SH3PXD2A: variants seen among roughly 807,000 people sequenced by gnomAD.
SH3PXD2A encodes SH3 and PX domain-containing protein 2A.
Under a neutral mutation model 115.2 loss-of-function variants are expected in SH3PXD2A, and 32 were observed. The observed-to-expected ratio is 0.28, with a 90% CI of 0.21 to 0.37. SH3PXD2A has a LOEUF of 0.37. SH3PXD2A is among the 10% of genes least tolerant of loss of function. The pLI is 1.00. For missense variants in SH3PXD2A, 1,328 were observed against 1,498.7 expected (o/e 0.89, Z 1.88); for synonymous variants, 610 against 629.1 (o/e 0.97, Z 0.45).
At chr10:103,801,424 T>A in intron 1 of SH3PXD2A, 62 bp from the exon 2 acceptor site, 1 of 1,001,986 alleles carries the variant, frequency 1.0e-6, no homozygotes, top group South Asian at 1.3e-5. Context: ...GTGCCAGGCA[T>A]CATGTAACAT....
At chr10:103,836,007 G>A (rs920904488) in intron 1 of SH3PXD2A, among the ~76,000 whole-genome samples, 6 of 152,146 alleles carry the variant, frequency 3.9e-5, no homozygotes, top group Admixed American at 3.3e-4. Context: ...CCAGTACCGC[G>A]TCTTCCTAGT....
At chr10:103,815,606 C>G (rs1044703808) in intron 1 of SH3PXD2A, among the ~76,000 whole-genome samples, 1 of 151,784 alleles carries the variant, frequency 6.6e-6, no homozygotes, top group African/African-American at 2.4e-5. Context: ...AAGAAAAATA[C>G]TGGGCCAGGT....
At chr10:103,662,348 G>T (rs1213051512) in intron 7 of SH3PXD2A, among the ~76,000 whole-genome samples, 6 of 95,316 alleles carry the variant, frequency 6.3e-5, no homozygotes, top group Non-Finnish European at 4.1e-5. Flanking sequence ...TGGCGGGGGG[G>T]GGGGCGGGGG....
chr10:103,811,246 C>T (rs1457998405), intron 1 of SH3PXD2A, among the ~76,000 whole-genome samples: 1 of 152,230 alleles, frequency 6.6e-6, no homozygotes, highest in Non-Finnish European at 1.5e-5. Flanking sequence ...GCAGTCACAG[C>T]TCTGTCCTTA....
intron 9 of SH3PXD2A, among the ~76,000 whole-genome samples, chr10:103,626,793 A>G (rs1162318256): frequency 1.3e-5 from 2 of 151,474 alleles, no homozygotes; most frequent in Non-Finnish European, 2.9e-5. Flanking sequence ...AAAAAATAAG[A>G]AAAAGGGGGG....
At chr10:103,647,059 G>A (rs182293533) in intron 8 of SH3PXD2A, among the ~76,000 whole-genome samples, 8 of 151,696 alleles carry the variant, frequency 5.3e-5, no homozygotes, top group Non-Finnish European at 7.4e-5. Flanking sequence ...AGTCAGGGGT[G>A]GGGGGATGGA....
chr10:103,733,798 A>G (rs1204103742), intron 4 of SH3PXD2A, among the ~76,000 whole-genome samples: 5 of 152,080 alleles, frequency 3.3e-5, no homozygotes, highest in African/African-American at 1.2e-4. Flanking sequence ...TAGGGACAGG[A>G]TCGTTCCCTG....
chr10:103,724,292 C>A lies in SH3PXD2A; in HGVS notation c.376G>T (p.Glu126Ter). The A allele has an allele frequency of 6.3e-7, 1 of 1,577,110 alleles. No homozygotes were observed. Among genetic ancestry groups the A allele is most frequent in the East Asian group, 2.5e-5 (1 of 40,738 alleles). The change falls in exon 5 of 15, where the codon GAG becomes TAG. Residue 126 changes from glutamate (E) to a stop codon, truncating the protein, a stop_gained. Transcript: ENST00000369774. LOFTEE classifies it high-confidence loss of function. ...TACTCTTTTGGAGGGTTGACATCCT[C>A]GGGTCGAGCCTCGAAGAACCGGAAG... The part of the protein sequence containing the change: ...EVFRFFEARP[E>*]DVNPPKEDYG...
In SH3PXD2A at chr10:103,627,186, G is replaced by A. The variant is rs2036711046; in HGVS notation, c.621C>T (p.Ser207=). ...GGACCCAGCCCTGCTCCTCAGAAGT[G>A]CTCACGAACCACCAGCCTGCAGGGA... is the stretch of plus-strand genomic sequence containing the variant. ...EKNESGWWFV[S]TSEEQGWVPA... Residue 207 remains serine (S), a synonymous_variant, in exon 9 of 15, where the codon AGC becomes AGT. Transcript: ENST00000369774. This position sits in a 1 kb window ranked among gnomAD's most constrained non-coding sequence, Gnocchi z 4.4. 1.2e-6 allele frequency: 2 copies of A among 1,609,632 alleles called. No homozygotes were observed. Among genetic ancestry groups the A allele is most frequent in the South Asian group, 2.2e-5 (2 of 90,994 alleles).
At chr10:103,629,744 A>T (rs376562355) in intron 8 of SH3PXD2A, among the ~76,000 whole-genome samples, 21 of 152,338 alleles carry the variant, frequency 1.4e-4, no homozygotes, top group African/African-American at 5.1e-4. Context: ...TTGACCCAGG[A>T]AAAGCCCAAC....
intron 1 of SH3PXD2A, among the ~76,000 whole-genome samples, chr10:103,853,856 G>A (rs1224103616): frequency 6.6e-6 from 1 of 152,210 alleles, no homozygotes; most frequent in Non-Finnish European, 1.5e-5. Context: ...TGTCCACAGA[G>A]CAGGTTGACC....
intron 5 of SH3PXD2A, among the ~76,000 whole-genome samples, chr10:103,699,504 A>G (rs2037866168): frequency 6.6e-6 from 1 of 151,970 alleles, no homozygotes; most frequent in African/African-American, 2.4e-5. Context: ...TATCTGTGAA[A>G]CCTCCATAGT....
At position 103,594,570 on chromosome 10, in the gene SH3PXD2A, C is replaced by G. The variant is rs2036107986; in HGVS notation, c.*7246G>C. 1 of 152,250 alleles carries G rather than the reference C, an allele frequency of 6.6e-6. No homozygotes were observed. Among genetic ancestry groups the G allele is most frequent in the African/African-American group, 2.4e-5 (1 of 41,454 alleles). The allele number at this position is 152,250 out of a possible 1,614,324, so 9.4% of individuals were successfully genotyped here. ...TCAGGGATTACTGAAGTCTGCCTTG[C>G]CCGGGAGTCACTTCCTGCAGACCTC... On this transcript the variant is annotated 3_prime_UTR_variant, in exon 15 of 15. Coordinates refer to ENST00000369774, the MANE Select transcript of SH3PXD2A (RefSeq NM_001394015.1).
intron 8 of SH3PXD2A, among the ~76,000 whole-genome samples, chr10:103,650,783 G>C (rs1054188312): frequency 1.3e-5 from 2 of 152,080 alleles, no homozygotes; most frequent in African/African-American, 4.8e-5. Flanking sequence ...TTTGCTTTCT[G>C]CCTTGCACAC....
intron 8 of SH3PXD2A, among the ~76,000 whole-genome samples, chr10:103,636,353 G>A (rs1284901186): frequency 6.6e-6 from 1 of 151,060 alleles, no homozygotes; most frequent in Non-Finnish European, 1.5e-5. Flanking sequence ...AGCTTGCAGT[G>A]AGTCGAGATC....
intron 8 of SH3PXD2A, among the ~76,000 whole-genome samples, chr10:103,640,054 C>G (rs1340114588): frequency 1.3e-5 from 2 of 152,218 alleles, no homozygotes; most frequent in East Asian, 3.8e-4. Flanking sequence ...GTGGCTCACG[C>G]CTGTAATCCC....
chr10:103,689,056 TAGAG>T (rs1223934390), intron 6 of SH3PXD2A, among the ~76,000 whole-genome samples: 1 of 152,098 alleles, frequency 6.6e-6, no homozygotes, highest in African/African-American at 2.4e-5. Context: ...ATTTTTTTGG[TAGAG>T]AGAGGATCTT....
At chr10:103,716,390 G>C (rs1188232065) in intron 5 of SH3PXD2A, among the ~76,000 whole-genome samples, 1 of 152,192 alleles carries the variant, frequency 6.6e-6, no homozygotes, top group African/African-American at 2.4e-5. Flanking sequence ...TCTCACCCCA[G>C]GTCCCTCGGA....
At chr10:103,832,762 G>A (rs1231878050) in intron 1 of SH3PXD2A, among the ~76,000 whole-genome samples, 1 of 152,158 alleles carries the variant, frequency 6.6e-6, no homozygotes, top group African/African-American at 2.4e-5. Flanking sequence ...GGGTGGGGGA[G>A]GGAAAGCATT....
Sources: allele counts gnomAD v4.1 joint callset (sites outside exome capture counted in the v4.1 genomes callset), GRCh38; gene constraint gnomAD v4.1.1; non-coding constraint Gnocchi (gnomAD v3.1); transcripts MANE v1.5; gene names NCBI Gene and HGNC (gene_info 2026-07-23, HGNC 2026-07-21).